ATG7: variants seen among roughly 807,000 people sequenced by gnomAD.
ATG7 encodes autophagy related 7, also known as ubiquitin-like modifier-activating enzyme ATG7.
A neutral mutation model predicts 82.4 loss-of-function variants in ATG7; 70 were observed. The ratio of observed to expected loss-of-function variants is 0.85; its 90% CI spans 0.70 to 1.04. The LOEUF is 1.04. Ranked by LOEUF, ATG7 falls within the 50% of genes least tolerant of loss-of-function variation. The pLI is 0.00. For synonymous variants in ATG7, 287 were observed against 313.0 expected (o/e 0.92, Z 0.88); for missense variants, 792 against 864.3 (o/e 0.92, Z 1.05).
At chr3:11,558,125 A>C, downstream of ATG7, 1 of 221,714 alleles carries the variant, frequency 4.5e-6, no homozygotes. Flanking sequence ...ACACACATGG[A>C]CCGAACCAAA....
intron 5 of ATG7, among the ~76,000 whole-genome samples, chr3:11,305,035 A>G (rs145383419): frequency 2.3e-4 from 35 of 152,276 alleles, no homozygotes; most frequent in African/African-American, 7.9e-4. Context: ...GCCCTAGCCA[A>G]CCATAACTCT....
intron 20 of ATG7, among the ~76,000 whole-genome samples, chr3:11,503,601 C>G (rs2091494565): frequency 6.6e-6 from 1 of 151,376 alleles, no homozygotes; most frequent in Non-Finnish European, 1.5e-5. Flanking sequence ...TACTAAAATA[C>G]AAAAATTAGC....
chr3:11,559,086 AGCC>A (rs2072718479), downstream of ATG7, among the ~76,000 whole-genome samples: 3 of 152,356 alleles, frequency 2.0e-5, no homozygotes, highest in South Asian at 6.2e-4. Context: ...AAATAACAGT[AGCC>A]GCTGCCCTCC....
intron 9 of ATG7, among the ~76,000 whole-genome samples, chr3:11,317,132 T>G (rs1276593191): frequency 6.6e-6 from 1 of 152,072 alleles, no homozygotes; most frequent in Non-Finnish European, 1.5e-5. Context: ...GAGCCACCAC[T>G]CCTGGCCCAG....
At chr3:11,351,147 G>A (rs1191551341) in intron 14 of ATG7, among the ~76,000 whole-genome samples, 1 of 152,124 alleles carries the variant, frequency 6.6e-6, no homozygotes, top group African/African-American at 2.4e-5. Context: ...TTACTTGCGT[G>A]TCAGGTAGTG....
intron 9 of ATG7, among the ~76,000 whole-genome samples, chr3:11,320,479 G>A (rs954116491): frequency 6.6e-6 from 1 of 152,008 alleles, no homozygotes; most frequent in African/African-American, 2.4e-5. Flanking sequence ...GTAGAGATGG[G>A]GTTTCGCCAT....
intron 1 of ATG7, among the ~76,000 whole-genome samples, chr3:11,279,364 G>A (rs979704223): frequency 6.6e-6 from 1 of 152,158 alleles, no homozygotes; most frequent in Non-Finnish European, 1.5e-5. Flanking sequence ...TAAAACCTTG[G>A]GTTAAGGGTT....
chr3:11,303,806 G>A (rs1228160020), intron 5 of ATG7, among the ~76,000 whole-genome samples: 4 of 151,468 alleles, frequency 2.6e-5, no homozygotes, highest in Admixed American at 2.6e-4. Flanking sequence ...CGGGCGCGGT[G>A]GCTCACGCCT....
chr3:11,275,871 G>A (rs947942336), intron 1 of ATG7, among the ~76,000 whole-genome samples: 5 of 152,162 alleles, frequency 3.3e-5, no homozygotes, highest in African/African-American at 1.2e-4. Context: ...CTTCATCCCA[G>A]TTACCATCCT....
chr3:11,277,890 G>GT (rs1575103182), intron 1 of ATG7, among the ~76,000 whole-genome samples: 2 of 48,118 alleles, frequency 4.2e-5, no homozygotes, highest in Non-Finnish European at 3.5e-5. Context: ...GCCCTTTATA[G>GT]ACCCCCCCCC....
chr3:11,328,859 A>G (rs1951244167), intron 9 of ATG7, among the ~76,000 whole-genome samples: 1 of 152,190 alleles, frequency 6.6e-6, no homozygotes, highest in African/African-American at 2.4e-5. Flanking sequence ...GGATGAGGCC[A>G]GTGGATTGCT....
At chr3:11,546,643 G>A (rs2071316079) in intron 20 of ATG7, among the ~76,000 whole-genome samples, 1 of 152,230 alleles carries the variant, frequency 6.6e-6, no homozygotes, top group Admixed American at 6.5e-5. Context: ...TGGATGATGA[G>A]GGCTCCTTTC....
Position 11,556,962 on chromosome 3 carries a change from C to T in ATG7, c.*2119C>T, listed in dbSNP as rs1056123849. The T allele has an allele frequency of 1.3e-5, 2 of 152,706 alleles. No homozygotes were observed. Among genetic ancestry groups the T allele is most frequent in the Non-Finnish European group, 1.5e-5 (1 of 68,064 alleles). 9.5% of individuals were successfully genotyped at this position (152,706 alleles called of 1,614,324 possible). A position where few individuals can be genotyped will look rare whatever the true frequency, so the allele number is the denominator to read the frequency against. ...GAGCCAGTCCTCCGACCTTTTCACC[C>T]AGTGCCAATTTCCAAAATTCAACAG... On this transcript the variant is annotated 3_prime_UTR_variant, in exon 21 of 21. Coordinates refer to ENST00000693202, the MANE Select transcript of ATG7 (RefSeq NM_001349232.2).
intron 17 of ATG7, 174 bp downstream of exon 17, chr3:11,363,102 C>T: frequency 1.7e-6 from 1 of 584,006 alleles, no homozygotes; most frequent in South Asian, 2.0e-5. Flanking sequence ...GATAACTTGG[C>T]ATGTTTCCTT....
intron 20 of ATG7, among the ~76,000 whole-genome samples, chr3:11,463,366 A>T (rs1004389577): frequency 1.1e-4 from 16 of 152,212 alleles, no homozygotes; most frequent in Non-Finnish European, 1.8e-4. Context: ...GTGATCCTCA[A>T]TAATCAGATA....
chr3:11,296,025 G>C (rs754904624), intron 3 of ATG7, among the ~76,000 whole-genome samples: 8 of 152,108 alleles, frequency 5.3e-5, no homozygotes, highest in Non-Finnish European at 1.0e-4. Context: ...TGATCCACCC[G>C]CCTTGGCCTC....
chr3:11,404,815 T>C (rs1440710968), intron 19 of ATG7, among the ~76,000 whole-genome samples: 1 of 151,928 alleles, frequency 6.6e-6, no homozygotes, highest in Non-Finnish European at 1.5e-5. Flanking sequence ...TATAAAACCA[T>C]CAGATCTCGT....
At chr3:11,483,227 T>C (rs548655623) in intron 20 of ATG7, among the ~76,000 whole-genome samples, 2 of 152,242 alleles carry the variant, frequency 1.3e-5, no homozygotes, top group African/African-American at 2.4e-5. Flanking sequence ...TAAAGTGATA[T>C]CCCCATCCTC....
chr3:11,561,010 G>A (rs539080936), downstream of ATG7, among the ~76,000 whole-genome samples: 5 of 151,992 alleles, frequency 3.3e-5, no homozygotes, highest in Admixed American at 6.6e-5. Context: ...GCAGAATACC[G>A]AGACCTGGAC....
Sources: gnomAD v4.1 joint callset for allele counts (sites outside exome capture counted in the v4.1 genomes callset) on GRCh38, gnomAD v4.1.1 for gene constraint, MANE v1.5 for transcripts, NCBI Gene and HGNC (gene_info 2026-07-23, HGNC 2026-07-21) for gene names.